IGSF10: variants seen among roughly 807,000 people sequenced by gnomAD.
IGSF10 encodes the protein immunoglobulin superfamily member 10.
Under a neutral mutation model 128.2 loss-of-function variants are expected in IGSF10, and 126 were observed. The ratio of observed to expected loss-of-function variants is 0.98; its 90% CI spans 0.85 to 1.14. The LOEUF is 1.14. IGSF10 is among the 50% of genes most tolerant of loss of function. The pLI, the probability that IGSF10 is intolerant of heterozygous loss-of-function variation, is 0.00. For missense variants in IGSF10, 3,295 were observed against 3,149.8 expected (o/e 1.05, Z -1.10); for synonymous variants, 1,185 against 1,146.2 (o/e 1.03, Z -0.68).
chr3:151,551,718 T>C, the IGSF10 span, among the ~76,000 whole-genome samples: 11 of 151,752 alleles, frequency 7.2e-5, no homozygotes, highest in African/African-American at 2.7e-4. Flanking sequence ...GGCATATTTG[T>C]TGAGGTTTCA....
the IGSF10 span, among the ~76,000 whole-genome samples, chr3:151,574,103 C>T: frequency 1.1e-4 from 16 of 152,186 alleles, no homozygotes; most frequent in African/African-American, 3.6e-4. Context: ...GTCTGATGGG[C>T]TTCCTTTTGT....
chr3:151,528,281 C>A, the IGSF10 span, among the ~76,000 whole-genome samples: 1 of 152,102 alleles, frequency 6.6e-6, no homozygotes, highest in Admixed American at 6.6e-5. Flanking sequence ...TAATTTTATT[C>A]TATTAGGTCA....
rs754362682 is a variant in IGSF10, at chr3:151,447,474, A to G, written c.2507T>C (p.Ile836Thr). 1 of 1,614,126 alleles carries G rather than the reference A, an allele frequency of 6.2e-7. No homozygotes were observed. The highest frequency in any genetic ancestry group is 2.2e-5 in the East Asian group (1 of 44,874). Residue 836 changes from isoleucine (I) to threonine (T), a missense_variant, in exon 6 of 8, where the codon ATA (isoleucine) becomes ACA (threonine). Coordinates refer to ENST00000282466, the MANE Select transcript of IGSF10 (RefSeq NM_178822.5). ...AGGAGAGAATTCTGTGCCATAATTT[A>G]TGTTTGTCATAGGACTATCAGATAT... ...RTISDSPMTNINYGTEFSPVV... is the reference protein window; with the variant it reads ...RTISDSPMTNTNYGTEFSPVV...
At chr3:151,511,674 T>C in the IGSF10 span, among the ~76,000 whole-genome samples, 10 of 152,076 alleles carry the variant, frequency 6.6e-5, no homozygotes, top group Non-Finnish European at 8.8e-5. Flanking sequence ...GACTGGCAAA[T>C]TGGATAAAGA....
rs77395166 is a variant in IGSF10 at position 151,445,135 on chromosome 3, T to G, written c.4846A>C (p.Thr1616Pro). 6.2e-7 allele frequency: 1 copy of G among 1,614,188 alleles called. No individual in the cohort carries two copies. The highest frequency in any genetic ancestry group is 8.5e-7 in the Non-Finnish European group (1 of 1,180,008). The part of the protein sequence containing the change: ...LVSDWDGQKN[T>P]KKSDFDKKPV... ...TTCTTATCAAAGTCACTCTTCTTTGTGTTCTTCTGTCCATCCCAATCTGAA... is the reference window on the plus strand; with the variant it reads ...TTCTTATCAAAGTCACTCTTCTTTGGGTTCTTCTGTCCATCCCAATCTGAA... The change falls in exon 6 of 8, where the codon ACA becomes CCA. Residue 1616 changes from threonine to proline, a missense_variant. Physicochemically the swap from Thr to Pro is conservative, Grantham distance 38 (BLOSUM62 -1). Coordinates refer to ENST00000282466, the MANE Select transcript of IGSF10 (RefSeq NM_178822.5).
the IGSF10 span, among the ~76,000 whole-genome samples, chr3:151,505,949 CTTTT>C: frequency 0.045 from 562 of 12,602 alleles, 4 homozygotes; most frequent in African/African-American, 0.074. Flanking sequence ...CTTCTTCTTC[CTTTT>C]TTTTTTTTTT....
the IGSF10 span, among the ~76,000 whole-genome samples, chr3:151,468,287 A>C: frequency 6.6e-6 from 1 of 152,220 alleles, no homozygotes; most frequent in Non-Finnish European, 1.5e-5. Flanking sequence ...CTGACCCTTC[A>C]GTTACAATGG....
intron 7 of IGSF10, among the ~76,000 whole-genome samples, chr3:151,442,392 T>TG (rs1220096517): frequency 3.4e-5 from 5 of 149,192 alleles, no homozygotes; most frequent in African/African-American, 1.2e-4. Context: ...TTTTTTTTTT[T>TG]TTTTTGAGAC....
At chr3:151,502,493 A>G in the IGSF10 span, among the ~76,000 whole-genome samples, 1 of 151,744 alleles carries the variant, frequency 6.6e-6, no homozygotes, top group Non-Finnish European at 1.5e-5. Flanking sequence ...ATAAACAAAA[A>G]CTCTCTCCAT....
the IGSF10 span, among the ~76,000 whole-genome samples, chr3:151,566,256 C>A: frequency 6.6e-6 from 1 of 151,962 alleles, no homozygotes; most frequent in South Asian, 2.1e-4. Context: ...CCCTACCCCA[C>A]AAATGATAGA....
the IGSF10 span, among the ~76,000 whole-genome samples, chr3:151,513,840 G>A: frequency 6.6e-6 from 1 of 152,064 alleles, no homozygotes; most frequent in Non-Finnish European, 1.5e-5. Context: ...GACAAACAGA[G>A]ACCAAAATCA....
the IGSF10 span, among the ~76,000 whole-genome samples, chr3:151,510,427 TAACA>T: frequency 2.0e-4 from 31 of 152,114 alleles, no homozygotes; most frequent in African/African-American, 6.7e-4. Context: ...GAAGGAAAAC[TAACA>T]AACAGAAAGG....
chr3:151,476,605 C>T, the IGSF10 span, among the ~76,000 whole-genome samples: 12 of 152,270 alleles, frequency 7.9e-5, no homozygotes, highest in South Asian at 1.2e-3. Flanking sequence ...AGTGGCCTTG[C>T]GCCTTGGGAC....
chr3:151,463,540 T>TTG (rs1722155371), upstream of IGSF10, among the ~76,000 whole-genome samples: 1 of 109,276 alleles, frequency 9.2e-6, no homozygotes, highest in Non-Finnish European at 1.8e-5. Flanking sequence ...TTTTTTTTTT[T>TTG]TTTTTTTTTT....
the IGSF10 span, among the ~76,000 whole-genome samples, chr3:151,549,083 CTATT>C: frequency 2.6e-5 from 4 of 152,104 alleles, no homozygotes; most frequent in African/African-American, 4.8e-5. Flanking sequence ...CTGCTTTTAT[CTATT>C]TGTTTGTTTT....
At chr3:151,507,346 T>G in the IGSF10 span, among the ~76,000 whole-genome samples, 1 of 152,194 alleles carries the variant, frequency 6.6e-6, no homozygotes, top group Non-Finnish European at 1.5e-5. Flanking sequence ...AAGCTACCTG[T>G]GTCAGAGTTT....
chr3:151,607,272 AC>A, the IGSF10 span, among the ~76,000 whole-genome samples: 2 of 152,218 alleles, frequency 1.3e-5, no homozygotes, highest in Non-Finnish European at 2.9e-5. Flanking sequence ...AGTCAAGGCT[AC>A]TTGAACATTA....
the IGSF10 span, among the ~76,000 whole-genome samples, chr3:151,521,914 CAA>C: frequency 5.3e-3 from 805 of 151,712 alleles, 7 homozygotes; most frequent in African/African-American, 0.018. Flanking sequence ...TCAACGAACC[CAA>C]GAGTTGGCTT....
At chr3:151,611,998 T>C in the IGSF10 span, among the ~76,000 whole-genome samples, 1 of 152,200 alleles carries the variant, frequency 6.6e-6, no homozygotes, top group Non-Finnish European at 1.5e-5. Flanking sequence ...GTTGTAGAGC[T>C]CAGATAATTT....
Sources: gnomAD v4.1 joint callset for allele counts (sites outside exome capture counted in the v4.1 genomes callset) on GRCh38, gnomAD v4.1.1 for gene constraint, MANE v1.5 for transcripts, NCBI Gene and HGNC (gene_info 2026-07-23, HGNC 2026-07-21) for gene names.